Variants in WNT8A observed in about 807,000 individuals in gnomAD.
WNT8A encodes the protein Wnt family member 8A.
A neutral mutation model predicts 20.5 loss-of-function variants in WNT8A; 14 were observed. The observed-to-expected ratio is 0.68, with a 90% CI of 0.45 to 1.07. The LOEUF (loss-of-function observed/expected upper bound fraction) is 1.07. Among genes scored for constraint, WNT8A ranks in the 50% least tolerant of loss-of-function variants. The pLI is 0.00. For synonymous variants in WNT8A, 167 were observed against 169.2 expected (o/e 0.99, Z 0.10); for missense variants, 397 against 462.9 (o/e 0.86, Z 1.31).
At chr5:138,087,649 CAA>C (rs66902804) in intron 2 of WNT8A, among the ~76,000 whole-genome samples, 155 bp from the exon 3 acceptor site, 20,190 of 68,118 alleles carry the variant, frequency 0.3, 784 homozygotes, top group South Asian at 0.4. Context: ...GAGCGAGTCT[CAA>C]AAAAAAAAAA....
chr5:138,091,620 C>T (rs1750858584), downstream of WNT8A: 2 of 728,626 alleles, frequency 2.7e-6, no homozygotes, highest in Admixed American at 3.4e-5. Context: ...TTTTGAAAAG[C>T]TCTTCCTCCA....
upstream of WNT8A, among the ~76,000 whole-genome samples, chr5:138,082,675 C>T (rs1279921864): frequency 1.3e-5 from 2 of 151,336 alleles, no homozygotes; most frequent in Admixed American, 6.6e-5. Flanking sequence ...ATTAAGAGAT[C>T]GAGACCATCC....
At chr5:138,089,125 C>G (rs1750767762) in intron 4 of WNT8A, 56 bp downstream of exon 4, 1 of 1,577,408 alleles carries the variant, frequency 6.3e-7, no homozygotes, top group Non-Finnish European at 8.6e-7. Flanking sequence ...CCCGGCCCTT[C>G]ACAATTTACC....
chr5:138,083,268 G>A (rs1214468634), upstream of WNT8A, among the ~76,000 whole-genome samples: 3 of 127,302 alleles, frequency 2.4e-5, no homozygotes, highest in Non-Finnish European at 1.6e-5. Context: ...GCGACAGAGC[G>A]AGAGACTCTG....
In WNT8A at chr5:138,091,360, G is replaced by C. The variant is rs777517896; in HGVS notation, c.*287G>C. The C allele has an allele frequency of 7.0e-7, 1 of 1,424,498 alleles. No individual in the cohort carries two copies. Among genetic ancestry groups the C allele is most frequent in the South Asian group, 1.1e-5 (1 of 88,702 alleles). The allele number at this position is 1,424,498 out of a possible 1,614,324, so 88.2% of individuals were successfully genotyped here. ...CTGTACTTATGCAGCTTTCTACAGG[G>C]AGAGTTTGGTTTGGGGTCTATATCT... On this transcript the variant is annotated 3_prime_UTR_variant, in exon 5 of 5. Coordinates refer to ENST00000506684, the MANE Select transcript of WNT8A (RefSeq NM_001300939.2).
chr5:138,081,277 G>A (rs560381142), upstream of WNT8A, among the ~76,000 whole-genome samples: 5 of 151,788 alleles, frequency 3.3e-5, no homozygotes, highest in Non-Finnish European at 4.4e-5. Flanking sequence ...ATCTGAGCAG[G>A]AGCGAGCACA....
chr5:138,091,860 T>C (rs970555337), downstream of WNT8A, among the ~76,000 whole-genome samples: 6 of 50,944 alleles, frequency 1.2e-4, no homozygotes, highest in Non-Finnish European at 2.0e-4. Context: ...AATAAATAAA[T>C]AAATAAATAA....
At chr5:138,078,472 G>C in the WNT8A span, among the ~76,000 whole-genome samples, 1 of 152,194 alleles carries the variant, frequency 6.6e-6, no homozygotes, top group Admixed American at 6.5e-5. Flanking sequence ...CCTGCAAGGA[G>C]CCTGAGAAAG....
chr5:138,088,420 G>A (rs911551182), intron 3 of WNT8A, among the ~76,000 whole-genome samples: 2 of 149,688 alleles, frequency 1.3e-5, no homozygotes, highest in East Asian at 2.0e-4. Flanking sequence ...GCAGTGGCGC[G>A]ATCTCAGCTC....
chr5:138,081,211 G>A (rs1750502611), upstream of WNT8A, among the ~76,000 whole-genome samples: 1 of 122,016 alleles, frequency 8.2e-6, no homozygotes, highest in Non-Finnish European at 1.7e-5. Context: ...GGGCGACAGA[G>A]CGAGACTCTG....
intron 2 of WNT8A, 61 bp downstream of exon 2, chr5:138,084,697 AGTATGT>A: frequency 6.6e-7 from 1 of 1,525,604 alleles, no homozygotes; most frequent in Non-Finnish European, 8.8e-7. Context: ...TGGGGCTTGC[AGTATGT>A]GTATATGTGT....
intron 4 of WNT8A, among the ~76,000 whole-genome samples, 183 bp from the exon 5 acceptor site, chr5:138,090,345 C>T (rs1581363125): frequency 6.6e-6 from 1 of 152,174 alleles, no homozygotes; most frequent in South Asian, 2.1e-4. Context: ...CCCTTCCCCA[C>T]TGAATATCCT....
In WNT8A at chr5:138,091,143, A is replaced by G. The variant is rs537433024; in HGVS notation, c.*70A>G. The G allele has an allele frequency of 2.7e-5, 42 of 1,554,022 alleles. 1 individual carries two copies. In the South Asian group the frequency reaches 5.0e-4, roughly 19 times the overall value. On this transcript the variant is annotated 3_prime_UTR_variant, in exon 5 of 5. Coordinates refer to ENST00000506684, the MANE Select transcript of WNT8A (RefSeq NM_001300939.2). ...GGGACATAGCTTCTCTCTTAGAGAG[A>G]ACAGATTGGAAAGCAATCGGAAAAT...
chr5:138,085,075 T>C (rs1213746184), intron 2 of WNT8A, among the ~76,000 whole-genome samples: 1 of 152,166 alleles, frequency 6.6e-6, no homozygotes, highest in Non-Finnish European at 1.5e-5. Context: ...TAGCTGGGAT[T>C]ACAGGCATGC....
At chr5:138,086,742 C>T (rs927257728) in intron 2 of WNT8A, among the ~76,000 whole-genome samples, 2 of 150,088 alleles carry the variant, frequency 1.3e-5, no homozygotes, top group Non-Finnish European at 3.0e-5. Flanking sequence ...ATTTCTAATA[C>T]AATAATAATA....
intron 4 of WNT8A, among the ~76,000 whole-genome samples, chr5:138,089,435 C>G (rs1713181188): frequency 6.6e-6 from 1 of 152,114 alleles, no homozygotes; most frequent in South Asian, 2.1e-4. Flanking sequence ...GCCTTGTTGT[C>G]CAGCCTTGTG....
At chr5:138,081,922 G>A (rs565615835), upstream of WNT8A, among the ~76,000 whole-genome samples, 2 of 152,226 alleles carry the variant, frequency 1.3e-5, no homozygotes, top group South Asian at 4.2e-4. Context: ...GCCAAGCCTG[G>A]CCCATACTTG....
upstream of WNT8A, among the ~76,000 whole-genome samples, chr5:138,079,869 C>G (rs1750457504): frequency 6.6e-6 from 1 of 152,206 alleles, no homozygotes; most frequent in Admixed American, 6.5e-5. Context: ...TCTCACTATT[C>G]TCTCCAGGAA....
Position 138,091,170 on chromosome 5 carries a change from G to T in WNT8A, c.*97G>T. On this transcript the variant is annotated 3_prime_UTR_variant, in exon 5 of 5. Coordinates refer to ENST00000506684, the MANE Select transcript of WNT8A (RefSeq NM_001300939.2). ...CAGATTGGAAAGCAATCGGAAAATT[G>T]CAGTTTTGGTCTGTAGTCCTCATGA... 6.5e-7 allele frequency: 1 copy of T among 1,538,542 alleles called. No individual in the cohort carries two copies. The highest frequency in any genetic ancestry group is 8.7e-7 in the Non-Finnish European group (1 of 1,152,110).
Sources: allele counts gnomAD v4.1 joint callset (sites outside exome capture counted in the v4.1 genomes callset), GRCh38; gene constraint gnomAD v4.1.1; transcripts MANE v1.5; gene names NCBI Gene and HGNC (gene_info 2026-07-23, HGNC 2026-07-21).